ABCC12: variants seen among roughly 807,000 people sequenced by gnomAD.
ABCC12 encodes the protein ATP-binding cassette sub-family C member 12.
In ABCC12, 142 loss-of-function variants were observed where a neutral mutation model predicts 151.1. That is an observed-to-expected ratio of 0.94 (90% CI 0.82 to 1.08). ABCC12 has a LOEUF of 1.08. ABCC12 is among the 50% of genes least tolerant of loss of function. ABCC12 has a pLI of 0.00. For missense variants in ABCC12, 1,638 were observed against 1,691.1 expected (o/e 0.97, Z 0.55); for synonymous variants, 645 against 646.4 (o/e 1.00, Z 0.03).
intron 6 of ABCC12, 96 bp from the exon 7 acceptor site, chr16:48,139,432 A>G: frequency 7.4e-7 from 1 of 1,359,250 alleles, no homozygotes; most frequent in Non-Finnish European, 1.0e-6. Flanking sequence ...ATCTAGGGAG[A>G]AAGGAGAAAA....
At position 48,082,174 on chromosome 16, in the gene ABCC12, G is replaced by A. The variant is rs890742780; in HGVS notation, c.*1541C>T. Among the ~76,000 whole-genome samples, 21 of 152,186 alleles carry A rather than the reference G, an allele frequency of 1.4e-4. No individual in the cohort carries two copies. The highest frequency in any genetic ancestry group is 4.1e-4 in the African/African-American group (17 of 41,446). On this transcript the variant is annotated 3_prime_UTR_variant, in exon 31 of 31. Transcript: ENST00000311303. The stretch of plus-strand genomic sequence containing the variant: ...CCACAGAAGGAACCCCCTGGCTCAC[G>A]TCCTTCTCAGCCACATGTCTTAGTG...
At chr16:48,128,779 A>G (rs1964326101) in intron 10 of ABCC12, 42 bp from the exon 11 acceptor site, 1 of 1,585,416 alleles carries the variant, frequency 6.3e-7, no homozygotes, top group Admixed American at 1.7e-5. Context: ...GATGTCATCC[A>G]TTTGCAAGAA....
At chr16:48,129,456 G>A (rs762039771) in intron 10 of ABCC12, among the ~76,000 whole-genome samples, 7 of 152,120 alleles carry the variant, frequency 4.6e-5, no homozygotes, top group African/African-American at 7.2e-5. Flanking sequence ...CAAAGGCAAG[G>A]AGCATGCAAA....
At chr16:48,085,311 G>A (rs1962539470) in intron 29 of ABCC12, among the ~76,000 whole-genome samples, 1 of 152,146 alleles carries the variant, frequency 6.6e-6, no homozygotes, top group Non-Finnish European at 1.5e-5. Flanking sequence ...AAAGTTGGGA[G>A]ACAGATTTTT....
chr16:48,140,553 G>A, intron 6 of ABCC12, 134 bp downstream of exon 6: 1 of 836,296 alleles, frequency 1.2e-6, no homozygotes, highest in South Asian at 1.6e-5. Context: ...CACTTAGCCA[G>A]GAGATGGGAC....
rs906383178 is a variant in ABCC12, at chr16:48,082,543, C to T, written c.*1172G>A. ...ATTCATGGCTGCCACAAGTGTTTCC[C>T]GAGTGCTTCCAGGTGCCAGGCACTC... On this transcript the variant is annotated 3_prime_UTR_variant, in exon 31 of 31. Coordinates refer to ENST00000311303, the MANE Select transcript of ABCC12 (RefSeq NM_001393797.1). 2.0e-5 allele frequency among the ~76,000 whole-genome samples: 3 copies of T among 152,182 alleles called. No homozygotes were observed. Among genetic ancestry groups the T allele is most frequent in the South Asian group, 2.1e-4 (1 of 4,830 alleles).
At chr16:48,150,204 C>T (rs190983560) in intron 2 of ABCC12, among the ~76,000 whole-genome samples, 9 of 152,288 alleles carry the variant, frequency 5.9e-5, no homozygotes, top group Admixed American at 5.9e-4. Context: ...CCTCTCTTCT[C>T]TCATACTGGT....
chr16:48,141,928 G>A (rs1452564514), intron 4 of ABCC12, among the ~76,000 whole-genome samples: 1 of 152,198 alleles, frequency 6.6e-6, no homozygotes, highest in African/African-American at 2.4e-5. Context: ...ACATCTAAAA[G>A]ATCAATTGGC....
intron 10 of ABCC12, 29 bp from the exon 11 acceptor site, chr16:48,128,766 G>C (rs1253898587): frequency 1.9e-6 from 3 of 1,598,928 alleles, no homozygotes; most frequent in Non-Finnish European, 2.6e-6. Flanking sequence ...AATTAACTGA[G>C]CAGATGTCAT....
At position 48,082,907 on chromosome 16, in the gene ABCC12, C is replaced by G. The variant is rs1162707415; in HGVS notation, c.*808G>C. ...TACTGCTTCCATCAGAACCAGCCTCCAGGTTGGAGAGAAAGCTTTTTGTTT... is the reference window on the plus strand; with the variant it reads ...TACTGCTTCCATCAGAACCAGCCTCGAGGTTGGAGAGAAAGCTTTTTGTTT... On this transcript the variant is annotated 3_prime_UTR_variant, in exon 31 of 31. Transcript: ENST00000311303. 6.6e-6 allele frequency: 1 copy of G among 152,174 alleles called. No homozygotes were observed. The highest frequency in any genetic ancestry group is 2.4e-5 in the African/African-American group (1 of 41,432). The allele number at this position is 152,174 out of a possible 1,614,324, so 9.4% of individuals were successfully genotyped here. A position where few individuals can be genotyped will look rare whatever the true frequency, so the allele number is the denominator to read the frequency against.
chr16:48,119,258 G>C (rs994078980), intron 13 of ABCC12, among the ~76,000 whole-genome samples: 1 of 152,164 alleles, frequency 6.6e-6, no homozygotes, highest in Admixed American at 6.5e-5. Flanking sequence ...ATCCGAGCAC[G>C]GTCTACTGCC....
intron 13 of ABCC12, among the ~76,000 whole-genome samples, chr16:48,117,612 G>A (rs1963931015): frequency 6.6e-6 from 1 of 152,228 alleles, no homozygotes; most frequent in South Asian, 2.1e-4. Context: ...CGCTGAACAG[G>A]AAAGCCCTGC....
intron 20 of ABCC12, among the ~76,000 whole-genome samples, chr16:48,105,801 G>C (rs769622876): frequency 6.6e-6 from 1 of 152,184 alleles, no homozygotes; most frequent in Non-Finnish European, 1.5e-5. Context: ...CAGGCCTTCA[G>C]GGCAACTCGG....
chr16:48,135,859 G>A (rs138562907), intron 8 of ABCC12, among the ~76,000 whole-genome samples: 9 of 152,158 alleles, frequency 5.9e-5, no homozygotes, highest in African/African-American at 2.2e-4. Flanking sequence ...TTACATTCAA[G>A]CCTCCTTCAC....
At chr16:48,123,143 T>C (rs1475119265) in intron 12 of ABCC12, among the ~76,000 whole-genome samples, 2 of 152,232 alleles carry the variant, frequency 1.3e-5, no homozygotes, top group Admixed American at 1.3e-4. Context: ...TTCACTCCAA[T>C]ATACATCAAA....
chr16:48,111,607 G>C lies in ABCC12; in HGVS notation c.2180C>G (p.Ala727Gly). 1 of 1,614,168 alleles carries C rather than the reference G, an allele frequency of 6.2e-7. No individual in the cohort carries two copies. Among genetic ancestry groups the C allele is most frequent in the South Asian group, 1.1e-5 (1 of 91,090 alleles). The change falls in exon 17 of 31, where the codon GCT (alanine) becomes GGT (glycine). Residue 727 changes from alanine (A) to glycine (G), a missense_variant. By Grantham distance (60) the Ala-to-Gly change is moderately conservative (BLOSUM62 0). Coordinates refer to ENST00000311303, the MANE Select transcript of ABCC12 (RefSeq NM_001393797.1). ...TATACCAGCATCTTCCTCTCTCTCAGCAGGGCTCTCCTTGAAGGCTTCCAC... is the reference window on the plus strand; with the variant it reads ...TATACCAGCATCTTCCTCTCTCTCACCAGGGCTCTCCTTGAAGGCTTCCAC... ...AMVEAFKESP[A>G]EREEDAGIIV...
At chr16:48,093,940 G>T (rs1225162370) in intron 24 of ABCC12, among the ~76,000 whole-genome samples, 1 of 152,186 alleles carries the variant, frequency 6.6e-6, no homozygotes, top group East Asian at 1.9e-4. Flanking sequence ...CAAGTGGAGT[G>T]CTGTCATTTT....
intron 12 of ABCC12, 128 bp downstream of exon 12, chr16:48,124,082 AATT>A: frequency 2.9e-6 from 3 of 1,029,888 alleles, no homozygotes; most frequent in Non-Finnish European, 4.5e-6. Flanking sequence ...ACCTCCCAAA[AATT>A]ATTGTGAACC....
intron 24 of ABCC12, among the ~76,000 whole-genome samples, chr16:48,093,982 CAATG>C (rs1418970725): frequency 6.6e-6 from 1 of 152,192 alleles, no homozygotes; most frequent in African/African-American, 2.4e-5. Flanking sequence ...GGCTAATGCT[CAATG>C]AAGCCACAGA....
Sources: gnomAD v4.1 joint callset for allele counts (sites outside exome capture counted in the v4.1 genomes callset) on GRCh38, gnomAD v4.1.1 for gene constraint, MANE v1.5 for transcripts, NCBI Gene and HGNC (gene_info 2026-07-23, HGNC 2026-07-21) for gene names.